Variants in RANBP2 observed in about 807,000 individuals in gnomAD.
RANBP2 encodes the protein E3 SUMO-protein ligase RanBP2.
A neutral mutation model predicts 303.6 loss-of-function variants in RANBP2; 57 were observed. The ratio of observed to expected loss-of-function variants is 0.19; its 90% confidence interval spans 0.15 to 0.23. The LOEUF (loss-of-function observed/expected upper bound fraction) is 0.23, where lower values mean the gene tolerates loss of function less well. Ranked by LOEUF, RANBP2 falls within the 10% of genes least tolerant of loss-of-function variation. The probability of loss-of-function intolerance (pLI) is 1.00; values close to 1 mark genes in which losing one functional copy is unlikely to be tolerated. For missense variants in RANBP2, 3,138 were observed against 3,780.8 expected, an observed-to-expected ratio of 0.83 and a Z score of 4.46; for synonymous variants, 1,167 against 1,301.5, an observed-to-expected ratio of 0.90 and a Z score of 2.23.
chr2:108,719,811 C>T (rs1301721481), intron 1 of RANBP2, 133 bp downstream of exon 1: 4 of 1,457,862 alleles, frequency 2.7e-6, no homozygotes, highest in East Asian at 5.2e-5. Flanking sequence ...CTGGCGCAGT[C>T]CTGTGGGCGG....
the RANBP2 span, among the ~76,000 whole-genome samples, chr2:108,840,964 A>G: frequency 7.3e-5 from 11 of 151,364 alleles, no homozygotes; most frequent in African/African-American, 2.7e-4. Context: ...GATGCCCACC[A>G]CCACACCTGG....
chr2:109,505,825 A>G, the RANBP2 span, among the ~76,000 whole-genome samples: 5 of 152,186 alleles, frequency 3.3e-5, no homozygotes, highest in African/African-American at 1.2e-4. Flanking sequence ...ACTCCCTAAT[A>G]GAATTGATAC....
chr2:109,033,026 AT>A, the RANBP2 span, among the ~76,000 whole-genome samples: 12 of 151,936 alleles, frequency 7.9e-5, no homozygotes, highest in African/African-American at 2.9e-4. Context: ...CGTTGTGGAC[AT>A]CAGCCATGGG....
the RANBP2 span, among the ~76,000 whole-genome samples, chr2:109,607,795 C>G: frequency 1.3e-4 from 20 of 152,126 alleles, no homozygotes; most frequent in African/African-American, 4.8e-4. Context: ...GTGTTCACCC[C>G]TAGGGAAACT....
At chr2:108,876,541 T>C in the RANBP2 span, 6 of 204,488 alleles carry the variant, frequency 2.9e-5, no homozygotes, top group Non-Finnish European at 4.8e-5. Context: ...CTTAAAATTA[T>C]GTGATTATTT....
the RANBP2 span, among the ~76,000 whole-genome samples, chr2:109,089,124 G>A: frequency 6.6e-6 from 1 of 151,586 alleles, no homozygotes; most frequent in East Asian, 2.0e-4. Context: ...GAGGAAAAGC[G>A]AGAGAGAGGC....
chr2:109,738,935 G>A, the RANBP2 span, among the ~76,000 whole-genome samples: 187 of 151,596 alleles, frequency 1.2e-3, no homozygotes, highest in Middle Eastern at 3.4e-3. Context: ...TTTTGTTTAA[G>A]GTGAGAGATA....
chr2:109,479,668 TCTC>T, the RANBP2 span, among the ~76,000 whole-genome samples: 1 of 152,104 alleles, frequency 6.6e-6, no homozygotes, highest in Non-Finnish European at 1.5e-5. Context: ...TGCACTTTTG[TCTC>T]CTCATTTTTA....
the RANBP2 span, chr2:109,613,858 G>GT: frequency 1.3e-4 from 163 of 1,233,672 alleles, no homozygotes; most frequent in Non-Finnish European, 1.6e-4. Context: ...TGAAGCGGCT[G>GT]TATCAGCCCG....
the RANBP2 span, among the ~76,000 whole-genome samples, chr2:109,410,081 G>A: frequency 0.045 from 6,803 of 152,206 alleles, 488 homozygotes; most frequent in African/African-American, 0.15. Flanking sequence ...AATACGGCCT[G>A]GTTCCCAGCC....
In RANBP2 at chr2:108,782,338, A is replaced by G; in HGVS notation, c.8971A>G (p.Met2991Val). The change falls in exon 27 of 29, where the codon ATG (methionine) becomes GTG (valine). Residue 2991 changes from methionine to valine, a missense_variant. By Grantham distance (21) the Met-to-Val change is conservative. Transcript: ENST00000283195. ...TGCAAACCACGTTATTACTAAAACA[A>G]TGGAATTAAAGCCCTTAAATGTTTC... ...VCANHVITKT[M>V]ELKPLNVSNN... 1 of 1,614,218 alleles carries G rather than the reference A, an allele frequency of 6.2e-7. No homozygotes were observed. The highest frequency in any genetic ancestry group is 8.5e-7 in the Non-Finnish European group (1 of 1,180,030).
Position 108,768,497 on chromosome 2 carries a change from G to A in RANBP2, c.7849+109G>A. Reference sequence around the variant, plus strand: ...TGTTGGGATATAAATGATGCTTTGTGAACACCCCCAAAATATTTGAGCAAT... The same window carrying A: ...TGTTGGGATATAAATGATGCTTTGTAAACACCCCCAAAATATTTGAGCAAT... On this transcript the variant is annotated intron_variant, in intron 20 of 28. Coordinates refer to ENST00000283195, the MANE Select transcript of RANBP2 (RefSeq NM_006267.5). The A allele has an allele frequency of 8.2e-6, 13 of 1,585,980 alleles. 1 individual carries two copies. The highest frequency in any genetic ancestry group is 1.1e-5 in the Non-Finnish European group (13 of 1,172,350).
chr2:108,993,746 C>T, the RANBP2 span, among the ~76,000 whole-genome samples: 1 of 152,322 alleles, frequency 6.6e-6, no homozygotes, highest in South Asian at 2.1e-4. Flanking sequence ...ACTTTGAACA[C>T]TGACCCCCTG....
At chr2:108,922,181 G>C in the RANBP2 span, among the ~76,000 whole-genome samples, 1 of 152,230 alleles carries the variant, frequency 6.6e-6, no homozygotes, top group East Asian at 1.9e-4. Flanking sequence ...TCCTCTCCCA[G>C]GTTCCACAGG....
the RANBP2 span, among the ~76,000 whole-genome samples, chr2:109,644,609 T>C: frequency 6.6e-6 from 1 of 152,164 alleles, no homozygotes; most frequent in Non-Finnish European, 1.5e-5. Flanking sequence ...AAAGTGGGCT[T>C]TTGTAGTAAC....
chr2:108,959,635 G>A, the RANBP2 span, among the ~76,000 whole-genome samples: 4 of 152,292 alleles, frequency 2.6e-5, no homozygotes, highest in Non-Finnish European at 5.9e-5. Flanking sequence ...GGCCAGTGCC[G>A]GCTGTGGCAT....
the RANBP2 span, chr2:108,907,829 C>A: frequency 6.2e-7 from 1 of 1,613,048 alleles, no homozygotes; most frequent in Non-Finnish European, 8.5e-7. Context: ...CCACATCTCA[C>A]AGCTCATCAT....
At chr2:109,246,006 CAA>C in the RANBP2 span, among the ~76,000 whole-genome samples, 3 of 152,050 alleles carry the variant, frequency 2.0e-5, no homozygotes, top group African/African-American at 7.2e-5. Context: ...TGTGGTGAAA[CAA>C]AAAAAGAGCA....
chr2:109,206,839 A>G, the RANBP2 span, among the ~76,000 whole-genome samples: 1 of 152,144 alleles, frequency 6.6e-6, no homozygotes, highest in Non-Finnish European at 1.5e-5. Context: ...GGCATTTGCT[A>G]TTTCTGCACT....
Sources: allele counts gnomAD v4.1 joint callset (sites outside exome capture counted in the v4.1 genomes callset), GRCh38; gene constraint gnomAD v4.1.1; transcripts MANE v1.5; gene names NCBI Gene and HGNC (gene_info 2026-07-23, HGNC 2026-07-21).